THBS3: variants seen among roughly 807,000 people sequenced by gnomAD.
THBS3 encodes the protein thrombospondin-3.
THBS3 carries 78 observed loss-of-function variants against 118.3 expected under a neutral mutation model. That is an observed-to-expected ratio of 0.66 (90% CI 0.55 to 0.80). The LOEUF (loss-of-function observed/expected upper bound fraction) is 0.80. THBS3 is among the 30% of genes least tolerant of loss of function. The pLI, the probability that THBS3 is intolerant of heterozygous loss-of-function variation, is 0.00. For missense variants in THBS3, 1,057 were observed against 1,247.4 expected (o/e 0.85, Z 2.30); for synonymous variants, 427 against 475.3 (o/e 0.90, Z 1.32).
chr1:155,202,660 C>T lies in THBS3; in HGVS notation c.957+152G>A, dbSNP rs543238663. 1.6e-6 allele frequency: 2 copies of T among 1,217,312 alleles called. No individual in the cohort carries two copies. The highest frequency in any genetic ancestry group is 2.4e-5 in the East Asian group (1 of 41,620). The allele number at this position is 1,217,312 out of a possible 1,614,324, so 75.4% of individuals were successfully genotyped here. ...GCCTTCAGTCTTTGCCCCAGGCCTTCTGTCTCTCCCATCTTGCATTTCTCT... is the reference window on the plus strand; with the variant it reads ...GCCTTCAGTCTTTGCCCCAGGCCTTTTGTCTCTCCCATCTTGCATTTCTCT... On this transcript the variant is annotated intron_variant, in intron 8 of 22. Coordinates refer to ENST00000368378, the MANE Select transcript of THBS3 (RefSeq NM_007112.5). The surrounding 1 kb of genome is among the most constrained non-coding windows in gnomAD (Gnocchi z 5.5).
At chr1:155,199,155 A>G (rs1669225762) in intron 16 of THBS3, among the ~76,000 whole-genome samples, 1 of 151,830 alleles carries the variant, frequency 6.6e-6, no homozygotes, top group Non-Finnish European at 1.5e-5. Flanking sequence ...TCACGCCTGT[A>G]ATCCCAGCAC....
chr1:155,196,333 C>T (rs1668667676), intron 21 of THBS3: 2 of 588,304 alleles, frequency 3.4e-6, no homozygotes, highest in South Asian at 2.2e-5. Flanking sequence ...TGTCCAGCTC[C>T]TTTTGCATCT....
At chr1:155,203,179 C>T in intron 6 of THBS3, 42 bp from the exon 7 acceptor site, 2 of 1,614,204 alleles carry the variant, frequency 1.2e-6, no homozygotes, top group African/African-American at 1.3e-5. Context: ...ACATCTGCCA[C>T]CCTACCCCAG....
Position 155,201,118 on chromosome 1 carries a change from C to T in THBS3, c.1416G>A (p.Met472Ile). Reference protein sequence around the residue: ...DGYPDQALPCMDNNKHCKQDN... With the variant: ...DGYPDQALPCIDNNKHCKQDN... Reference sequence around the variant, plus strand: ...CCTGTTTGCAGTGTTTGTTGTTGTCCATGCAGGGCAGTGCTTGGTCTGGGT... The same window carrying T: ...CCTGTTTGCAGTGTTTGTTGTTGTCTATGCAGGGCAGTGCTTGGTCTGGGT... Residue 472 changes from methionine to isoleucine, a missense_variant, in exon 12 of 23, where the codon ATG (methionine) becomes ATA (isoleucine). By Grantham distance (10) the Met-to-Ile change is conservative. Around this residue, in one of 3 missense-constraint regions of THBS3, gnomAD observed 544 missense variants for 715.6 expected, o/e 0.76. Coordinates refer to ENST00000368378, the MANE Select transcript of THBS3 (RefSeq NM_007112.5). 1.2e-6 allele frequency: 2 copies of T among 1,614,180 alleles called. No homozygotes were observed. Among genetic ancestry groups the T allele is most frequent in the East Asian group, 2.2e-5 (1 of 44,886 alleles).
chr1:155,197,908 G>A lies in THBS3; in HGVS notation c.2274C>T (p.Thr758=). 6.2e-7 allele frequency: 1 copy of A among 1,614,008 alleles called. No homozygotes were observed. Among genetic ancestry groups the A allele is most frequent in the Non-Finnish European group, 8.5e-7 (1 of 1,179,988 alleles). ...VLNQGMEIVQ[T]MNSDPGLAVG... is the part of the protein sequence containing the mutation. Reference sequence around the variant, plus strand: ...CTGCCAAGCCAGGGTCACTGTTCATGGTCTGAACGATTTCCATGCCCTGGG... The same window carrying A: ...CTGCCAAGCCAGGGTCACTGTTCATAGTCTGAACGATTTCCATGCCCTGGG... Residue 758 remains threonine (T), a synonymous_variant, in exon 19 of 23, where the codon ACC becomes ACT. Transcript: ENST00000368378. This position sits in a 1 kb window ranked among gnomAD's most constrained non-coding sequence, Gnocchi z 5.0.
chr1:155,197,674 G>A lies in THBS3; in HGVS notation c.2303-15C>T. On this transcript the variant is annotated splice_polypyrimidine_tract_variant and intron_variant, in intron 19 of 22. Coordinates refer to ENST00000368378, the MANE Select transcript of THBS3 (RefSeq NM_007112.5). This position sits in a 1 kb window ranked among gnomAD's most constrained non-coding sequence, Gnocchi z 5.0. ...GGCCGTGTATCCTGGGGTGGGGGTG[G>A]GATAAAGGTCAGGGGCAGCAAAGCT... 4 of 1,534,736 alleles carry A rather than the reference G, an allele frequency of 2.6e-6. No homozygotes were observed. Among genetic ancestry groups the A allele is most frequent in the Non-Finnish European group, 3.6e-6 (4 of 1,108,856 alleles).
chr1:155,209,100 C>A, upstream of THBS3: 1 of 1,543,330 alleles, frequency 6.5e-7, no homozygotes, highest in Non-Finnish European at 8.7e-7. Context: ...CGCAGTTCAG[C>A]TGCCAGTCGG....
chr1:155,208,966 C>T (rs753515109), upstream of THBS3: 4 of 1,607,960 alleles, frequency 2.5e-6, no homozygotes, highest in South Asian at 3.3e-5. Flanking sequence ...GGGTTCGGGG[C>T]TCCACTTGGA....
Position 155,198,090 on chromosome 1 carries a change from A to G in THBS3, c.2205T>C (p.Asp735=). The G allele has an allele frequency of 1.9e-6, 3 of 1,614,150 alleles. No homozygotes were observed. The highest frequency in any genetic ancestry group is 2.5e-6 in the Non-Finnish European group (3 of 1,180,036). The change falls in exon 18 of 23, where the codon GAT becomes GAC. Residue 735 remains aspartate, a synonymous_variant. Transcript: ENST00000368378. ...DFRAYQTVVL[D]PEGDAQIDPN... ...GGTCAATCTGAGCATCACCCTCAGG[A>G]TCCAGGACGACGGTCTGATAGGCCC...
At chr1:155,205,455 T>C (rs1670413090) in intron 2 of THBS3, 139 bp from the exon 3 acceptor site, 2 of 1,144,826 alleles carry the variant, frequency 1.7e-6, no homozygotes, top group Non-Finnish European at 2.4e-6. Context: ...ACACCTTGTA[T>C]TTAATAGGTA....
intron 10 of THBS3, 188 bp from the exon 11 acceptor site, chr1:155,201,757 G>A (rs1669765588): frequency 2.0e-6 from 2 of 1,002,824 alleles, no homozygotes; most frequent in East Asian, 5.2e-5. Flanking sequence ...AGGAAGCTGA[G>A]GCTCAGAAAA....
chr1:155,200,971 C>T lies in THBS3; in HGVS notation c.1474G>A (p.Glu492Lys). The change falls in exon 13 of 23, where the codon GAA (glutamate) becomes AAA (lysine). Residue 492 changes from glutamate to lysine, a missense_variant. This residue lies in a region of THBS3 where 544 missense variants were observed against 715.6 expected (regional missense o/e 0.76). Transcript: ENST00000368378. ...NCLLTPNSGQ[E>K]DADNDGVGDQ... ...CCCACACCATCATTATCAGCATCTT[C>T]CTGCCCAGAGTTGGGTGTCAAAAGG... is the stretch of plus-strand genomic sequence containing the variant. 1 of 1,614,180 alleles carries T rather than the reference C, an allele frequency of 6.2e-7. No individual in the cohort carries two copies. Among genetic ancestry groups the T allele is most frequent in the Non-Finnish European group, 8.5e-7 (1 of 1,180,036 alleles).
intron 10 of THBS3, 63 bp from the exon 11 acceptor site, chr1:155,201,632 A>G: frequency 6.4e-7 from 1 of 1,553,438 alleles, no homozygotes; most frequent in South Asian, 1.1e-5. Flanking sequence ...CAGGACCAGC[A>G]CTGCTCCACC....
At position 155,198,617 on chromosome 1, in the gene THBS3, AG is replaced by A; in HGVS notation, c.1881-16del. 1 of 1,612,396 alleles carries A rather than the reference AG, an allele frequency of 6.2e-7. No homozygotes were observed. The highest frequency in any genetic ancestry group is 8.5e-7 in the Non-Finnish European group (1 of 1,178,688). ...CATCCCCATCGCTAATCAGAAGAAC[AG>A]GTACCAAATAAAGGATTTAAAGGTA... On this transcript the variant is annotated splice_polypyrimidine_tract_variant and intron_variant, in intron 16 of 22. Coordinates refer to ENST00000368378, the MANE Select transcript of THBS3 (RefSeq NM_007112.5).
intron 21 of THBS3, chr1:155,196,531 A>C: frequency 4.3e-6 from 1 of 231,344 alleles, no homozygotes. Flanking sequence ...GCTCTTGGCC[A>C]TGGAAAGTCC....
rs199898512 is a variant in THBS3 at position 155,206,241 on chromosome 1, G to A, written c.245C>T (p.Thr82Ile). ...LFGLYSRQDN[T>I]RWLEASVVGK... ...TACAACAGAGGCCTCCAGCCATCGA[G>A]TGTTGTCTTGGCGAGAATAGAGGCC... Residue 82 changes from threonine (T) to isoleucine (I), a missense_variant, in exon 2 of 23, where the codon ACT (threonine) becomes ATT (isoleucine). Coordinates refer to ENST00000368378, the MANE Select transcript of THBS3 (RefSeq NM_007112.5). This position sits in a 1 kb window ranked among gnomAD's most constrained non-coding sequence, Gnocchi z 4.2. The A allele has an allele frequency of 8.7e-6, 14 of 1,614,200 alleles. No individual in the cohort carries two copies. In the East Asian group the frequency reaches 2.2e-4, roughly 26 times the overall value.
chr1:155,200,761 T>C, intron 13 of THBS3, 136 bp downstream of exon 13: 3 of 1,573,098 alleles, frequency 1.9e-6, no homozygotes, highest in Non-Finnish European at 2.6e-6. Flanking sequence ...CTCCTTGTCC[T>C]GGGCACGAGG....
chr1:155,203,952 C>T (rs1267511458), intron 4 of THBS3, among the ~76,000 whole-genome samples: 2 of 152,060 alleles, frequency 1.3e-5, no homozygotes, highest in Non-Finnish European at 2.9e-5. Flanking sequence ...ACTCTCCTGC[C>T]TCCGCCTCCC....
chr1:155,200,897 C>T lies in THBS3; in HGVS notation c.1548G>A (p.Glu516=). 1 of 1,614,064 alleles carries T rather than the reference C, an allele frequency of 6.2e-7. No individual in the cohort carries two copies. Among genetic ancestry groups the T allele is most frequent in the Non-Finnish European group, 8.5e-7 (1 of 1,180,004 alleles). ...DADGDGIKNV[E]DNCRLFPNKD... is the part of the protein sequence containing the mutation. ...AGGGGCAGGGCAGTCTGGGAGTCAC[C>T]TCAACATTCTTGATCCCATCCCCAT... Residue 516 remains glutamate (E), a splice_region_variant and synonymous_variant, in exon 13 of 23, where the codon GAG becomes GAA. Coordinates refer to ENST00000368378, the MANE Select transcript of THBS3 (RefSeq NM_007112.5).
Sources: gnomAD v4.1 joint callset for allele counts (sites outside exome capture counted in the v4.1 genomes callset) on GRCh38, gnomAD v4.1.1 for gene constraint, gnomAD v4.1.1 regional missense constraint, Gnocchi (gnomAD v3.1) non-coding constraint, MANE v1.5 for transcripts, NCBI Gene and HGNC (gene_info 2026-07-23, HGNC 2026-07-21) for gene names.